The following MED13L variants were observed in gnomAD, a reference collection of about 807,000 sequenced individuals.
MED13L encodes the protein mediator complex subunit 13L, also known as mediator of RNA polymerase II transcription subunit 13-like.
Under a neutral mutation model 220.9 loss-of-function variants are expected in MED13L, and 7 were observed. The observed-to-expected ratio is 0.03, with a 90% CI of 0.02 to 0.06. MED13L has a LOEUF of 0.06. MED13L is among the 10% of genes least tolerant of loss of function. The pLI, the probability that MED13L is intolerant of heterozygous loss-of-function variation, is 1.00. For synonymous variants in MED13L, 1,011 were observed against 1,015.2 expected, an observed-to-expected ratio of 1.00 and a Z score of 0.08; for missense variants, 1,965 against 2,760.5, an observed-to-expected ratio of 0.71 and a Z score of 6.46.
chr12:116,005,001 T>C (rs888673228), intron 13 of MED13L, among the ~76,000 whole-genome samples: 3 of 152,196 alleles, frequency 2.0e-5, no homozygotes, highest in African/African-American at 7.2e-5. Flanking sequence ...TTTCTCCTTA[T>C]GTCTGTGAGT....
intron 4 of MED13L, among the ~76,000 whole-genome samples, chr12:116,040,702 A>T (rs1219665599): frequency 6.6e-6 from 1 of 152,160 alleles, no homozygotes; most frequent in East Asian, 1.9e-4. Context: ...ACAATGGATA[A>T]ATAAATTAGG....
rs142045029 is a variant in MED13L, at chr12:116,249,010, A to G, written c.73-11305T>C. Among the ~76,000 whole-genome samples the G allele has an allele frequency of 4.6e-3, 701 of 152,368 alleles. 1 individual carries two copies. Among genetic ancestry groups the G allele is most frequent in the Middle Eastern group, 0.01 (3 of 294 alleles). Reference sequence around the variant, plus strand: ...CTGGAATTTGTGGAGACAGATCACCAGAAAGAATATTCAGGAAAAAAGCTC... The same window carrying G: ...CTGGAATTTGTGGAGACAGATCACCGGAAAGAATATTCAGGAAAAAAGCTC... On this transcript the variant is annotated intron_variant, in intron 1 of 30. Coordinates refer to ENST00000281928, the MANE Select transcript of MED13L (RefSeq NM_015335.5).
At chr12:116,011,254 G>A (rs1879379099) in intron 9 of MED13L, among the ~76,000 whole-genome samples, 1 of 152,054 alleles carries the variant, frequency 6.6e-6, no homozygotes, top group Admixed American at 6.6e-5. Context: ...ACAGAAGTTG[G>A]AAAGTCAATG....
intron 1 of MED13L, among the ~76,000 whole-genome samples, chr12:116,246,594 C>T (rs186547065): frequency 8.7e-5 from 13 of 149,906 alleles, no homozygotes; most frequent in African/African-American, 3.2e-4. Flanking sequence ...AGAAGGACGA[C>T]TTGACCTATT....
chr12:116,003,056 G>A lies in MED13L; in HGVS notation c.2516C>T (p.Thr839Ile), dbSNP rs769049901. 8.1e-6 allele frequency: 13 copies of A among 1,614,032 alleles called. No homozygotes were observed. In the South Asian group the frequency reaches 1.1e-4, roughly 14 times the overall value. The part of the protein sequence containing the change: ...LRSSKMPAVG[T>I]EDRPLGKDGR... ...ATCCTTCCCAAGAGGTCGGTCTTCT[G>A]TCCCAACTGCAGGCATTTTTGATGA... The change falls in exon 14 of 31, where the codon ACA becomes ATA. Residue 839 changes from threonine (T) to isoleucine (I), a missense_variant. Around this residue, in one of 10 missense-constraint regions of MED13L, gnomAD observed 818 missense variants for 1,041.2 expected, o/e 0.79. Coordinates refer to ENST00000281928, the MANE Select transcript of MED13L (RefSeq NM_015335.5).
At chr12:116,158,566 G>A (rs56258518) in intron 2 of MED13L, among the ~76,000 whole-genome samples, 22,674 of 152,058 alleles carry the variant, frequency 0.15, 1,934 homozygotes, top group South Asian at 0.22. Flanking sequence ...GAATCTGAAA[G>A]AGAAAAACAG....
In MED13L at chr12:115,972,488, C is replaced by A. The variant is rs1162854023; in HGVS notation, c.5732-252G>T. ...TCTGAAATGACCTTTGAGAGTCCAGCACTAATCCAGTCTAATCTACCTAGA... is the reference window on the plus strand; with the variant it reads ...TCTGAAATGACCTTTGAGAGTCCAGAACTAATCCAGTCTAATCTACCTAGA... On this transcript the variant is annotated intron_variant, in intron 25 of 30. Transcript: ENST00000281928. 18 of 472,580 alleles carry A rather than the reference C, an allele frequency of 3.8e-5. No individual in the cohort carries two copies. The East Asian group carries it at 7.8e-4, about 21-fold the overall frequency. 29.3% of individuals were successfully genotyped at this position (472,580 alleles called of 1,614,324 possible). A position where few individuals can be genotyped will look rare whatever the true frequency, so the allele number is the denominator to read the frequency against.
At chr12:116,205,357 A>C (rs1882244938) in intron 2 of MED13L, among the ~76,000 whole-genome samples, 1 of 151,860 alleles carries the variant, frequency 6.6e-6, no homozygotes, top group Non-Finnish European at 1.5e-5. Flanking sequence ...TTTTACACTC[A>C]ATGAGACTCA....
chr12:116,093,616 T>A (rs1174634138), intron 4 of MED13L, among the ~76,000 whole-genome samples: 1 of 151,942 alleles, frequency 6.6e-6, no homozygotes, highest in Non-Finnish European at 1.5e-5. Flanking sequence ...ATATCTAAAA[T>A]ATGCAGTATG....
chr12:116,170,091 C>T (rs925953276), intron 2 of MED13L, among the ~76,000 whole-genome samples: 1 of 152,156 alleles, frequency 6.6e-6, no homozygotes, highest in African/African-American at 2.4e-5. Context: ...ATCTATCATA[C>T]ACTTTGATTA....
chr12:115,991,089 G>A lies in MED13L; in HGVS notation c.3865C>T (p.Pro1289Ser), dbSNP rs1394627478. The A allele has an allele frequency of 6.2e-7, 1 of 1,614,140 alleles. No homozygotes were observed. The highest frequency in any genetic ancestry group is 8.5e-7 in the Non-Finnish European group (1 of 1,180,022). The change falls in exon 17 of 31, where the codon CCC becomes TCC. Residue 1289 changes from proline (P) to serine (S), a missense_variant. Pro to Ser is a moderately conservative substitution (Grantham distance 74). This residue lies in a region of MED13L where 165 missense variants were observed against 190.8 expected (regional missense o/e 0.86). Coordinates refer to ENST00000281928, the MANE Select transcript of MED13L (RefSeq NM_015335.5). The surrounding 1 kb of genome is among the most constrained non-coding windows in gnomAD (Gnocchi z 7.7). Reference sequence around the variant, plus strand: ...GCTTCGTCCACTTTTCCACCAGTGGGGTTATCCACATACTGCCGCCCCTGC... The same window carrying A: ...GCTTCGTCCACTTTTCCACCAGTGGAGTTATCCACATACTGCCGCCCCTGC... ...LEQGRQYVDN[P>S]TGGKVDEALV... is the part of the protein sequence containing the mutation.
At chr12:116,192,362 C>T (rs1448108859) in intron 2 of MED13L, among the ~76,000 whole-genome samples, 2 of 152,068 alleles carry the variant, frequency 1.3e-5, no homozygotes, top group Non-Finnish European at 2.9e-5. Flanking sequence ...TTTCTAATTG[C>T]TTAATCTAAG....
At chr12:116,215,699 A>C (rs1373369093) in intron 2 of MED13L, among the ~76,000 whole-genome samples, 1 of 152,188 alleles carries the variant, frequency 6.6e-6, no homozygotes, top group Non-Finnish European at 1.5e-5. Context: ...AATAAGTTAA[A>C]GCTCTCCTTT....
chr12:116,003,855 C>T (rs78659546), intron 13 of MED13L, among the ~76,000 whole-genome samples: 2,443 of 152,254 alleles, frequency 0.016, 40 homozygotes, highest in Middle Eastern at 0.031. Flanking sequence ...AGCCTCCCAA[C>T]TCCATTTACG....
At chr12:116,037,733 G>C (rs1881272558) in intron 4 of MED13L, among the ~76,000 whole-genome samples, 1 of 152,100 alleles carries the variant, frequency 6.6e-6, no homozygotes, top group Non-Finnish European at 1.5e-5. Flanking sequence ...TGAAAAAATG[G>C]TGTTCTACTG....
At chr12:116,157,151 G>A (rs1456635647) in intron 2 of MED13L, among the ~76,000 whole-genome samples, 1 of 152,062 alleles carries the variant, frequency 6.6e-6, no homozygotes, top group Non-Finnish European at 1.5e-5. Flanking sequence ...TTTCATCTTT[G>A]TCGTATTTCC....
chr12:116,016,941 C>A (rs1423863772), intron 7 of MED13L, among the ~76,000 whole-genome samples: 1 of 152,284 alleles, frequency 6.6e-6, no homozygotes, highest in South Asian at 2.1e-4. Context: ...GTAGCCCATT[C>A]TGTCCTATAT....
Position 116,052,563 on chromosome 12 carries a change from G to A in MED13L, c.480-29962C>T, listed in dbSNP as rs1592989702. ...CCTAAAAGGGTGTTAAATCCATTGT[G>A]ATCTTTGTGGGGGAAAAGTTGGAAA... is the stretch of plus-strand genomic sequence containing the variant. On this transcript the variant is annotated intron_variant, in intron 4 of 30. Coordinates refer to ENST00000281928, the MANE Select transcript of MED13L (RefSeq NM_015335.5). Among the ~76,000 whole-genome samples the A allele has an allele frequency of 2.6e-5, 4 of 152,288 alleles. No individual in the cohort carries two copies. The South Asian group carries it at 8.3e-4, about 32-fold the overall frequency.
At chr12:116,185,750 G>A (rs1413787695) in intron 2 of MED13L, among the ~76,000 whole-genome samples, 3 of 151,594 alleles carry the variant, frequency 2.0e-5, no homozygotes, top group African/African-American at 7.3e-5. Flanking sequence ...AGGCTGGAGT[G>A]CAGTGGCGCA....
Sources: gnomAD v4.1 joint callset for allele counts (sites outside exome capture counted in the v4.1 genomes callset) on GRCh38, gnomAD v4.1.1 for gene constraint, gnomAD v4.1.1 regional missense constraint, Gnocchi (gnomAD v3.1) non-coding constraint, MANE v1.5 for transcripts, NCBI Gene and HGNC (gene_info 2026-07-23, HGNC 2026-07-21) for gene names.